The following C8orf34 variants were observed in gnomAD, a reference collection of about 807,000 sequenced individuals.
C8orf34 encodes uncharacterized protein C8orf34.
Under a neutral mutation model 68.3 loss-of-function variants are expected in C8orf34, and 65 were observed. The ratio of observed to expected loss-of-function variants is 0.95; its 90% CI spans 0.78 to 1.17. The LOEUF (loss-of-function observed/expected upper bound fraction) is 1.17, where lower values mean the gene tolerates loss of function less well. C8orf34 is among the 50% of genes most tolerant of loss of function. The pLI is 0.00. For synonymous variants in C8orf34, 244 were observed against 241.2 expected (o/e 1.01, Z -0.11); for missense variants, 664 against 655.4 (o/e 1.01, Z -0.14).
intron 10 of C8orf34, among the ~76,000 whole-genome samples, chr8:68,724,809 T>C (rs542987837): frequency 6.6e-5 from 10 of 152,320 alleles, no homozygotes; most frequent in African/African-American, 2.2e-4. Flanking sequence ...GATCAATGAT[T>C]GATGAACACT....
At chr8:68,710,874 A>C (rs1821312609) in intron 9 of C8orf34, among the ~76,000 whole-genome samples, 1 of 152,170 alleles carries the variant, frequency 6.6e-6, no homozygotes, top group Non-Finnish European at 1.5e-5. Flanking sequence ...GAACCAGCAC[A>C]CTAAACAAAA....
chr8:68,394,898 G>A (rs16934570), intron 1 of C8orf34, among the ~76,000 whole-genome samples: 13,262 of 152,070 alleles, frequency 0.087, 750 homozygotes, highest in African/African-American at 0.15. Context: ...TAATTCTAGA[G>A]ATAGTTCTAA....
chr8:68,601,711 C>G (rs549173487), intron 7 of C8orf34, among the ~76,000 whole-genome samples: 1 of 150,768 alleles, frequency 6.6e-6, no homozygotes, highest in Non-Finnish European at 1.5e-5. Flanking sequence ...CTGCAATATC[C>G]ATCCAATTCA....
chr8:68,516,642 A>T (rs544792250), intron 5 of C8orf34, among the ~76,000 whole-genome samples: 4 of 151,382 alleles, frequency 2.6e-5, no homozygotes, highest in Admixed American at 6.6e-5. Context: ...TTATTTATTT[A>T]TTTATTTTTT....
chr8:68,350,203 T>G (rs1425915735), intron 1 of C8orf34, among the ~76,000 whole-genome samples: 1 of 151,610 alleles, frequency 6.6e-6, no homozygotes, highest in Non-Finnish European at 1.5e-5. Context: ...TCTAGATTAC[T>G]GCCTTAATTT....
At chr8:68,382,575 A>T (rs1808088540) in intron 1 of C8orf34, among the ~76,000 whole-genome samples, 1 of 152,126 alleles carries the variant, frequency 6.6e-6, no homozygotes, top group African/African-American at 2.4e-5. Context: ...TCTATTTCCC[A>T]TCATTCCTGG....
chr8:68,500,690 A>T (rs1242700129), intron 5 of C8orf34, among the ~76,000 whole-genome samples: 3 of 152,176 alleles, frequency 2.0e-5, no homozygotes, highest in African/African-American at 7.2e-5. Context: ...GAGAGAAAAA[A>T]ATGGTAGGGC....
At chr8:68,565,652 T>C (rs1457046386) in intron 7 of C8orf34, among the ~76,000 whole-genome samples, 1 of 152,132 alleles carries the variant, frequency 6.6e-6, no homozygotes, top group Non-Finnish European at 1.5e-5. Context: ...CTAACCTCAG[T>C]GAAAAGTAGT....
intron 1 of C8orf34, among the ~76,000 whole-genome samples, chr8:68,349,109 T>C (rs970340882): frequency 2.0e-5 from 3 of 152,014 alleles, no homozygotes; most frequent in African/African-American, 7.2e-5. Flanking sequence ...GCATTTTTCA[T>C]AGATGGCTCT....
intron 3 of C8orf34, among the ~76,000 whole-genome samples, chr8:68,463,743 G>C (rs147425579): frequency 0.12 from 18,342 of 151,980 alleles, 1,272 homozygotes; most frequent in African/African-American, 0.18. Context: ...ATTCAACAAC[G>C]CTTCATGCTA....
At chr8:68,625,676 T>C (rs754351825) in intron 7 of C8orf34, 56 of 699,386 alleles carry the variant, frequency 8.0e-5, no homozygotes, top group Non-Finnish European at 2.6e-5. Flanking sequence ...TGCCTGCTCC[T>C]CCCTGTGGCA....
At chr8:68,416,315 G>A in intron 1 of C8orf34, among the ~76,000 whole-genome samples, 1 of 151,986 alleles carries the variant, frequency 6.6e-6, no homozygotes, top group East Asian at 1.9e-4. Flanking sequence ...TTATCAATAT[G>A]TTCTATAATT....
intron 1 of C8orf34, among the ~76,000 whole-genome samples, chr8:68,435,813 T>C (rs1307402706): frequency 6.6e-6 from 1 of 152,210 alleles, no homozygotes; most frequent in African/African-American, 2.4e-5. Context: ...GTAGTCGTTA[T>C]CTTATTTAAT....
intron 8 of C8orf34, among the ~76,000 whole-genome samples, chr8:68,663,818 G>A (rs1040140804): frequency 2.6e-5 from 4 of 152,160 alleles, no homozygotes; most frequent in African/African-American, 9.7e-5. Context: ...ATGAGTTTCT[G>A]ATTTTATGAT....
At chr8:68,524,147 A>G (rs1354254593) in intron 6 of C8orf34, among the ~76,000 whole-genome samples, 1 of 152,198 alleles carries the variant, frequency 6.6e-6, no homozygotes. Flanking sequence ...ACAACACTCC[A>G]TCTTTGTTAC....
Position 68,744,281 on chromosome 8 carries a change from G to A in C8orf34, c.1404+22844G>A, listed in dbSNP as rs1414567301. 4.6e-5 allele frequency among the ~76,000 whole-genome samples: 7 copies of A among 152,038 alleles called. No individual in the cohort carries two copies. In the East Asian group the frequency reaches 1.2e-3, roughly 25 times the overall value. ...AAAGTAGATAAAACCACAAAGATGG[G>A]GAAAAAACAGAGCAGAAAAACTGGA... On this transcript the variant is annotated intron_variant, in intron 10 of 13. Transcript: ENST00000518698.
At chr8:68,739,220 G>C (rs1200293137) in intron 10 of C8orf34, among the ~76,000 whole-genome samples, 2 of 151,978 alleles carry the variant, frequency 1.3e-5, no homozygotes, top group Non-Finnish European at 2.9e-5. Context: ...ATACAGAAAA[G>C]GCTTTCAATA....
At chr8:68,658,849 A>T (rs887205155) in intron 8 of C8orf34, among the ~76,000 whole-genome samples, 2 of 152,156 alleles carry the variant, frequency 1.3e-5, no homozygotes, top group African/African-American at 4.8e-5. Context: ...TTAGAAAAAC[A>T]TTGTTTTCTC....
intron 1 of C8orf34, among the ~76,000 whole-genome samples, chr8:68,390,291 T>G (rs1385850440): frequency 6.6e-6 from 1 of 152,164 alleles, no homozygotes; most frequent in East Asian, 1.9e-4. Context: ...TTCCATGAAC[T>G]GAGTTTCGTT....
Sources: allele counts gnomAD v4.1 joint callset (sites outside exome capture counted in the v4.1 genomes callset), GRCh38; gene constraint gnomAD v4.1.1; transcripts MANE v1.5; gene names NCBI Gene and HGNC (gene_info 2026-07-23, HGNC 2026-07-21).